Variants in PEBP4 observed in about 807,000 individuals in gnomAD.
PEBP4 encodes phosphatidylethanolamine binding protein 4.
PEBP4 carries 22 observed loss-of-function variants against 23.9 expected under a neutral mutation model. The ratio of observed to expected loss-of-function variants is 0.92; its 90% CI spans 0.66 to 1.31. The LOEUF (loss-of-function observed/expected upper bound fraction) is 1.31. Among genes scored for constraint, PEBP4 ranks in the 40% most tolerant of loss-of-function variants. The pLI, the probability that PEBP4 is intolerant of heterozygous loss-of-function variation, is 0.00. For missense variants in PEBP4, 324 were observed against 281.7 expected, an observed-to-expected ratio of 1.15 and a Z score of -1.07; for synonymous variants, 112 against 99.3, an observed-to-expected ratio of 1.13 and a Z score of -0.76.
chr8:22,870,536 C>A (rs1807987074), intron 3 of PEBP4, among the ~76,000 whole-genome samples: 1 of 152,138 alleles, frequency 6.6e-6, no homozygotes, highest in African/African-American at 2.4e-5. Context: ...TTTATCTAAA[C>A]CTATAGAATG....
At chr8:22,822,160 G>T (rs1806873234) in intron 3 of PEBP4, among the ~76,000 whole-genome samples, 1 of 152,000 alleles carries the variant, frequency 6.6e-6, no homozygotes, top group Non-Finnish European at 1.5e-5. Flanking sequence ...AGGGGATTAT[G>T]GACACCTTTC....
chr8:22,910,146 T>G (rs1563257922), intron 3 of PEBP4, among the ~76,000 whole-genome samples: 1 of 152,164 alleles, frequency 6.6e-6, no homozygotes, highest in Non-Finnish European at 1.5e-5. Flanking sequence ...CTAAGGGCTG[T>G]GGGTTTCTCA....
At chr8:22,719,724 C>T (rs908447543) in intron 6 of PEBP4, among the ~76,000 whole-genome samples, 5 of 152,100 alleles carry the variant, frequency 3.3e-5, no homozygotes, top group African/African-American at 9.7e-5. Flanking sequence ...TTGCTTTCCT[C>T]GTTTGCCCTG....
intron 6 of PEBP4, among the ~76,000 whole-genome samples, chr8:22,714,610 C>T (rs1032490191): frequency 9.2e-5 from 14 of 151,756 alleles, no homozygotes; most frequent in Admixed American, 6.6e-4. Context: ...AGATCCTGTC[C>T]GGAGCAGAGC....
At chr8:22,773,551 G>C (rs1216631753) in intron 4 of PEBP4, among the ~76,000 whole-genome samples, 1 of 152,032 alleles carries the variant, frequency 6.6e-6, no homozygotes, top group Non-Finnish European at 1.5e-5. Context: ...CCTTTTCCTG[G>C]GCTGGCCTAC....
At position 22,865,583 on chromosome 8, in the gene PEBP4, C is replaced by T. The variant is rs1246855542; in HGVS notation, c.259-47848G>A. 6.6e-6 allele frequency among the ~76,000 whole-genome samples: 1 copy of T among 152,216 alleles called. No homozygotes were observed. The highest frequency in any genetic ancestry group is 6.5e-5 in the Admixed American group (1 of 15,288). On this transcript the variant is annotated intron_variant, in intron 3 of 6. Transcript: ENST00000256404. This position sits in a 1 kb window ranked among gnomAD's most constrained non-coding sequence, Gnocchi z 6.9. ...CCGCAGCCGCCGGGGAAGGAATTCCCTCCGCCCGGGCGCACGCGGCCCCCC... is the reference window on the plus strand; with the variant it reads ...CCGCAGCCGCCGGGGAAGGAATTCCTTCCGCCCGGGCGCACGCGGCCCCCC...
chr8:22,731,133 T>C (rs58283589), intron 4 of PEBP4, among the ~76,000 whole-genome samples: 51,140 of 152,162 alleles, frequency 0.34, 10,331 homozygotes, highest in African/African-American at 0.55. Flanking sequence ...ATAGTTGATC[T>C]TTGAACAACA....
At chr8:22,798,809 C>T (rs1806323626) in intron 4 of PEBP4, among the ~76,000 whole-genome samples, 1 of 138,910 alleles carries the variant, frequency 7.2e-6, no homozygotes. Context: ...GTGATCTCAG[C>T]TCACTGCAAC....
chr8:22,914,291 A>AT (rs1344878638), intron 3 of PEBP4, among the ~76,000 whole-genome samples: 2 of 151,912 alleles, frequency 1.3e-5, no homozygotes, highest in Admixed American at 1.3e-4. Flanking sequence ...GGTTAACTTC[A>AT]TTTTTTTGTA....
At chr8:22,854,958 G>T (rs62495016) in intron 3 of PEBP4, among the ~76,000 whole-genome samples, 4 of 142,342 alleles carry the variant, frequency 2.8e-5, no homozygotes, top group African/African-American at 5.2e-5. Flanking sequence ...GTGTGTGTGC[G>T]TGCAAGCTTG....
chr8:22,850,114 GA>G lies in PEBP4; in HGVS notation c.259-32380del, dbSNP rs113295175. On this transcript the variant is annotated intron_variant, in intron 3 of 6. Transcript: ENST00000256404. The stretch of plus-strand genomic sequence containing the variant: ...AGGAAGATATCATCCTACTCTTTAA[GA>G]AAAAAAAAAAAAATCCGTGGCTTAG... Among the ~76,000 whole-genome samples the G allele has an allele frequency of 9.0e-3, 1,237 of 137,696 alleles. 14 individuals carry two copies. Among genetic ancestry groups the G allele is most frequent in the African/African-American group, 0.024 (908 of 37,660 alleles). The allele number at this position is 137,696 out of a possible 152,430, so 90.3% of individuals were successfully genotyped here. A position where few individuals can be genotyped will look rare whatever the true frequency, so the allele number is the denominator to read the frequency against.
intron 4 of PEBP4, among the ~76,000 whole-genome samples, chr8:22,772,470 G>T (rs1805734876): frequency 6.7e-6 from 1 of 150,054 alleles, no homozygotes; most frequent in African/African-American, 2.5e-5. Context: ...GTGGGGCAGG[G>T]CAGGTATTCT....
chr8:22,817,841 GC>G (rs1806777251), intron 3 of PEBP4, 106 bp from the exon 4 acceptor site: 1 of 960,162 alleles, frequency 1.0e-6, no homozygotes, highest in East Asian at 2.4e-5. Context: ...TGGCTGAGTA[GC>G]CCCTATGGCG....
chr8:22,936,547 A>G (rs1018343725), intron 1 of PEBP4, among the ~76,000 whole-genome samples: 1 of 152,178 alleles, frequency 6.6e-6, no homozygotes, highest in African/African-American at 2.4e-5. Flanking sequence ...ATGAACACTC[A>G]TCCTTCTCAA....
At chr8:22,901,552 A>T (rs1016186126) in intron 3 of PEBP4, among the ~76,000 whole-genome samples, 1 of 152,070 alleles carries the variant, frequency 6.6e-6, no homozygotes, top group African/African-American at 2.4e-5. Flanking sequence ...GACTCTCCAC[A>T]CTGTGCAGCT....
chr8:22,781,412 C>T (rs549729662), intron 4 of PEBP4, among the ~76,000 whole-genome samples: 11 of 152,256 alleles, frequency 7.2e-5, no homozygotes, highest in Non-Finnish European at 1.3e-4. Flanking sequence ...CCTCAGGGAT[C>T]GCTTTACATA....
At chr8:22,873,470 CA>C (rs35925508) in intron 3 of PEBP4, among the ~76,000 whole-genome samples, 73 of 146,724 alleles carry the variant, frequency 5.0e-4, no homozygotes, top group African/African-American at 9.8e-4. Context: ...TGAAAAAGTA[CA>C]AAAAAAAAAA....
intron 4 of PEBP4, among the ~76,000 whole-genome samples, chr8:22,789,854 C>G (rs548774286): frequency 2.0e-5 from 3 of 152,232 alleles, no homozygotes; most frequent in African/African-American, 7.2e-5. Flanking sequence ...TCATTTTTAC[C>G]GAGTTCAACA....
intron 4 of PEBP4, among the ~76,000 whole-genome samples, chr8:22,774,311 TG>T (rs1294420487): frequency 6.6e-6 from 1 of 152,234 alleles, no homozygotes; most frequent in Non-Finnish European, 1.5e-5. Flanking sequence ...CACGCTAGGA[TG>T]TTAAGGACTC....
Sources: gnomAD v4.1 joint callset for allele counts (sites outside exome capture counted in the v4.1 genomes callset) on GRCh38, gnomAD v4.1.1 for gene constraint, Gnocchi (gnomAD v3.1) non-coding constraint, MANE v1.5 for transcripts, NCBI Gene and HGNC (gene_info 2026-07-23, HGNC 2026-07-21) for gene names.